Variants in CD53 observed in about 807,000 individuals in gnomAD.
CD53 encodes the protein leukocyte surface antigen CD53.
In CD53, 20 loss-of-function variants were observed where a neutral mutation model predicts 27.3. That is an observed-to-expected ratio of 0.73 (90% CI 0.52 to 1.07). The LOEUF is 1.07. CD53 is among the 50% of genes least tolerant of loss of function. The pLI is 0.00. For synonymous variants in CD53, 106 were observed against 105.3 expected, an observed-to-expected ratio of 1.01 and a Z score of -0.04; for missense variants, 216 against 264.0, an observed-to-expected ratio of 0.82 and a Z score of 1.26.
At chr1:110,882,044 A>G (rs924762717) in intron 1 of CD53, among the ~76,000 whole-genome samples, 2 of 152,154 alleles carry the variant, frequency 1.3e-5, no homozygotes, top group African/African-American at 4.8e-5. Context: ...TGATTTGGAA[A>G]TATTTTGTCC....
chr1:110,877,659 C>T (rs368839591), intron 1 of CD53, among the ~76,000 whole-genome samples: 10 of 152,272 alleles, frequency 6.6e-5, no homozygotes, highest in African/African-American at 2.2e-4. Flanking sequence ...TTCTATAAAT[C>T]GCCAAATCCT....
At chr1:110,891,561 A>T in intron 2 of CD53, 90 bp downstream of exon 2, 1 of 948,568 alleles carries the variant, frequency 1.1e-6, no homozygotes, top group Non-Finnish European at 1.7e-6. Context: ...GTGTGGGGTA[A>T]AATGCATGCG....
chr1:110,878,718 A>G (rs926725734), intron 1 of CD53, among the ~76,000 whole-genome samples: 2 of 152,210 alleles, frequency 1.3e-5, no homozygotes, highest in Admixed American at 1.3e-4. Flanking sequence ...ACTTCCATTC[A>G]CTGAAAGAAA....
intron 3 of CD53, chr1:110,892,734 T>C: frequency 1.9e-6 from 1 of 536,250 alleles, no homozygotes; most frequent in East Asian, 3.1e-5. Context: ...AAGAGGGCAT[T>C]GCTATCCCCC....
intron 3 of CD53, 66 bp from the exon 4 acceptor site, chr1:110,894,261 A>C: frequency 6.3e-6 from 9 of 1,422,204 alleles, no homozygotes; most frequent in South Asian, 1.1e-5. Context: ...GGATGCTCCC[A>C]GAGCTGAGTG....
At chr1:110,887,724 G>A (rs554747742) in intron 1 of CD53, among the ~76,000 whole-genome samples, 1 of 152,216 alleles carries the variant, frequency 6.6e-6, no homozygotes, top group East Asian at 1.9e-4. Flanking sequence ...TTTCCAGTCT[G>A]ACTGGTGGGA....
intron 1 of CD53, among the ~76,000 whole-genome samples, chr1:110,886,577 G>A (rs1212922988): frequency 1.3e-5 from 2 of 151,958 alleles, no homozygotes; most frequent in Non-Finnish European, 2.9e-5. Flanking sequence ...GGCCAGGCAT[G>A]GTGGCTCACA....
intron 1 of CD53, among the ~76,000 whole-genome samples, chr1:110,879,029 GT>G (rs142641498): frequency 6.6e-6 from 1 of 151,884 alleles, no homozygotes; most frequent in South Asian, 2.1e-4. Flanking sequence ...ATTTCTTTTT[GT>G]TTTTTTATTT....
rs1570915730 is a variant in CD53, at chr1:110,899,036, A to G, written c.589-88A>G. The G allele has an allele frequency of 4.2e-6, 4 of 956,386 alleles. No individual in the cohort carries two copies. The East Asian group carries it at 7.3e-5, about 18-fold the overall frequency. The allele number at this position is 956,386 out of a possible 1,614,324, so 59.2% of individuals were successfully genotyped here. A position where few individuals can be genotyped will look rare whatever the true frequency, so the allele number is the denominator to read the frequency against. On this transcript the variant is annotated intron_variant, in intron 7 of 7. Coordinates refer to ENST00000271324, the MANE Select transcript of CD53 (RefSeq NM_000560.4). ...AGGGTGGTTTCAGTGTAATGGATACATTCTTTTTCTCAGAGGCCAATCCCA... is the reference window on the plus strand; with the variant it reads ...AGGGTGGTTTCAGTGTAATGGATACGTTCTTTTTCTCAGAGGCCAATCCCA...
intron 1 of CD53, among the ~76,000 whole-genome samples, chr1:110,887,691 C>T (rs549478008): frequency 6.6e-6 from 1 of 152,282 alleles, no homozygotes; most frequent in South Asian, 2.1e-4. Flanking sequence ...CTTCTGTGTA[C>T]TCTAGCCTGT....
At chr1:110,875,082 A>C (rs545635793) in intron 1 of CD53, among the ~76,000 whole-genome samples, 1 of 152,302 alleles carries the variant, frequency 6.6e-6, no homozygotes, top group African/African-American at 2.4e-5. Flanking sequence ...TGTGCCAAAA[A>C]CTGCCTAGAG....
chr1:110,897,579 G>T, intron 6 of CD53: 1 of 384,064 alleles, frequency 2.6e-6, no homozygotes, highest in South Asian at 4.5e-5. Flanking sequence ...AAGGATCTAG[G>T]ACTTCTACAT....
At chr1:110,894,160 A>G in intron 3 of CD53, 167 bp from the exon 4 acceptor site, 1 of 629,394 alleles carries the variant, frequency 1.6e-6, no homozygotes, top group Admixed American at 2.8e-5. Context: ...TAATTGTAGA[A>G]AAAGAACACA....
chr1:110,893,509 A>C (rs1036497868), intron 3 of CD53, among the ~76,000 whole-genome samples: 1 of 152,096 alleles, frequency 6.6e-6, no homozygotes, highest in Non-Finnish European at 1.5e-5. Flanking sequence ...TTTAGTAGAG[A>C]CAGGGTTTCT....
intron 1 of CD53, among the ~76,000 whole-genome samples, chr1:110,876,926 T>C (rs1000835559): frequency 6.6e-6 from 1 of 152,212 alleles, no homozygotes; most frequent in Non-Finnish European, 1.5e-5. Context: ...GTAATTTGAT[T>C]GATGCCCTTT....
intron 4 of CD53, 88 bp downstream of exon 4, chr1:110,894,489 T>C (rs1413463403): frequency 2.0e-6 from 2 of 1,011,920 alleles, no homozygotes; most frequent in Non-Finnish European, 3.1e-6. Flanking sequence ...ACAGAATAAG[T>C]TCTATAATAG....
At chr1:110,877,025 T>G (rs1229689604) in intron 1 of CD53, among the ~76,000 whole-genome samples, 1 of 152,200 alleles carries the variant, frequency 6.6e-6, no homozygotes, top group African/African-American at 2.4e-5. Context: ...AAATTAACAC[T>G]TATGCAATAT....
At chr1:110,879,454 G>T (rs949856740) in intron 1 of CD53, among the ~76,000 whole-genome samples, 1 of 152,164 alleles carries the variant, frequency 6.6e-6, no homozygotes, top group Non-Finnish European at 1.5e-5. Context: ...TATTTGACCT[G>T]TTAATAAGTG....
chr1:110,890,418 T>A (rs1009896390), intron 1 of CD53, among the ~76,000 whole-genome samples: 1 of 151,938 alleles, frequency 6.6e-6, no homozygotes, highest in Non-Finnish European at 1.5e-5. Flanking sequence ...AATACAAAAA[T>A]TATCCGGGCA....
Sources: gnomAD v4.1 joint callset for allele counts (sites outside exome capture counted in the v4.1 genomes callset) on GRCh38, gnomAD v4.1.1 for gene constraint, MANE v1.5 for transcripts, NCBI Gene and HGNC (gene_info 2026-07-23, HGNC 2026-07-21) for gene names.